DLGAP1: variants seen among roughly 807,000 people sequenced by gnomAD.
The protein encoded by DLGAP1 is DLG associated protein 1.
In DLGAP1, 11 loss-of-function variants were observed where a neutral mutation model predicts 90.8. The ratio of observed to expected loss-of-function variants is 0.12; its 90% CI spans 0.08 to 0.20. The LOEUF (loss-of-function observed/expected upper bound fraction) is 0.20. Among genes scored for constraint, DLGAP1 ranks in the 10% least tolerant of loss-of-function variants. The pLI, the probability that DLGAP1 is intolerant of heterozygous loss-of-function variation, is 1.00. For missense variants in DLGAP1, 1,050 were observed against 1,333.8 expected, an observed-to-expected ratio of 0.79 and a Z score of 3.31; for synonymous variants, 558 against 540.7, an observed-to-expected ratio of 1.03 and a Z score of -0.44.
At chr18:3,786,084 C>G (rs1338668908) in intron 5 of DLGAP1, among the ~76,000 whole-genome samples, 1 of 152,208 alleles carries the variant, frequency 6.6e-6, no homozygotes, top group Non-Finnish European at 1.5e-5. Context: ...CCAGACCCTC[C>G]TGCCTCCCTT....
chr18:4,388,159 G>A (rs1224937075), intron 1 of DLGAP1, among the ~76,000 whole-genome samples: 1 of 151,986 alleles, frequency 6.6e-6, no homozygotes, highest in Non-Finnish European at 1.5e-5. Flanking sequence ...AGAGACAAAT[G>A]AGGCTCTGAA....
Position 3,939,520 on chromosome 18 carries a change from C to T in DLGAP1, c.-72-59380G>A, listed in dbSNP as rs548137393. Among the ~76,000 whole-genome samples, 60 of 151,328 alleles carry T rather than the reference C, an allele frequency of 4.0e-4. 1 individual carries two copies. In the East Asian group the frequency reaches 9.7e-3, roughly 25 times the overall value. ...AACAAACAAACAAAAAAACAAGTGG[C>T]ATAGAATATACATTTTGGAAAAATA... On this transcript the variant is annotated intron_variant, in intron 3 of 12. Transcript: ENST00000315677.
intron 11 of DLGAP1, among the ~76,000 whole-genome samples, chr18:3,505,580 A>G (rs567777810): frequency 3.7e-4 from 54 of 147,218 alleles, no homozygotes; most frequent in Non-Finnish European, 7.0e-4. Context: ...AGAGATTGCA[A>G]TGAGCTGAGT....
intron 7 of DLGAP1, among the ~76,000 whole-genome samples, chr18:3,673,304 A>G (rs1437887686): frequency 6.6e-6 from 1 of 152,040 alleles, no homozygotes; most frequent in Non-Finnish European, 1.5e-5. Context: ...AACACTTTGC[A>G]TATCTCTATT....
At chr18:4,138,153 C>A (rs981343827) in intron 2 of DLGAP1, among the ~76,000 whole-genome samples, 1 of 151,946 alleles carries the variant, frequency 6.6e-6, no homozygotes, top group African/African-American at 2.4e-5. Context: ...TGTTGAATAA[C>A]GGTGGTGAAA....
At chr18:4,267,377 C>G (rs2079154178) in intron 1 of DLGAP1, among the ~76,000 whole-genome samples, 1 of 152,300 alleles carries the variant, frequency 6.6e-6, no homozygotes, top group South Asian at 2.1e-4. Flanking sequence ...TGCTCCTTCC[C>G]TTGCAGAAAC....
chr18:4,057,225 A>G (rs1278236236), intron 2 of DLGAP1, among the ~76,000 whole-genome samples: 1 of 152,120 alleles, frequency 6.6e-6, no homozygotes, highest in Non-Finnish European at 1.5e-5. Flanking sequence ...CAGTCTCCCA[A>G]TAGACAGAAA....
chr18:4,023,430 T>G (rs902163090), intron 2 of DLGAP1, among the ~76,000 whole-genome samples: 1 of 152,240 alleles, frequency 6.6e-6, no homozygotes, highest in African/African-American at 2.4e-5. Flanking sequence ...ACAGCCATAT[T>G]TGCCATGTAA....
At chr18:3,886,998 G>A (rs2071334125) in intron 3 of DLGAP1, among the ~76,000 whole-genome samples, 2 of 152,320 alleles carry the variant, frequency 1.3e-5, no homozygotes, top group East Asian at 1.9e-4. Flanking sequence ...CTGACCTACA[G>A]CGGAGTGCCA....
At chr18:4,450,771 CATG>C (rs1473900073) in intron 1 of DLGAP1, among the ~76,000 whole-genome samples, 2 of 152,156 alleles carry the variant, frequency 1.3e-5, no homozygotes, top group Non-Finnish European at 2.9e-5. Context: ...ATGAGCAAAC[CATG>C]ATAAGTGAAT....
At chr18:3,597,185 T>A (rs1345822622) in intron 7 of DLGAP1, 3 of 519,404 alleles carry the variant, frequency 5.8e-6, no homozygotes, top group Non-Finnish European at 1.2e-5. Flanking sequence ...GATGGATATC[T>A]GAGAGCCAGC....
intron 1 of DLGAP1, among the ~76,000 whole-genome samples, chr18:4,365,250 A>G (rs558962648): frequency 4.6e-5 from 7 of 152,196 alleles, no homozygotes; most frequent in Non-Finnish European, 1.0e-4. Context: ...TTAGAAAAGA[A>G]GAATCTGAAA....
At chr18:4,105,992 A>C (rs1473622763) in intron 2 of DLGAP1, among the ~76,000 whole-genome samples, 1 of 139,032 alleles carries the variant, frequency 7.2e-6, no homozygotes, top group Non-Finnish European at 1.5e-5. Context: ...AGATCGCGCC[A>C]CTGCACTCCA....
chr18:4,279,349 GCTAATATCTCTTGC>G (rs752558095), intron 1 of DLGAP1, among the ~76,000 whole-genome samples: 108 of 152,090 alleles, frequency 7.1e-4, no homozygotes, highest in African/African-American at 2.5e-3. Flanking sequence ...TTTTTATTTG[GCTAATATCTCTTGC>G]CTTGGGCATT....
chr18:4,232,554 TTGTAA>T (rs1175796264), intron 1 of DLGAP1, among the ~76,000 whole-genome samples: 1 of 152,168 alleles, frequency 6.6e-6, no homozygotes, highest in Non-Finnish European at 1.5e-5. Context: ...GACAATGTTG[TTGTAA>T]TGTAAAAGCC....
intron 1 of DLGAP1, among the ~76,000 whole-genome samples, chr18:4,197,557 G>A (rs1053267917): frequency 2.0e-5 from 3 of 152,116 alleles, no homozygotes; most frequent in African/African-American, 7.2e-5. Context: ...GATTTGACAA[G>A]GGGGACAAGA....
intron 7 of DLGAP1, among the ~76,000 whole-genome samples, chr18:3,602,709 C>G (rs2145783316): frequency 6.6e-6 from 1 of 151,986 alleles, no homozygotes; most frequent in Middle Eastern, 3.4e-3. Flanking sequence ...CAGCACAGCA[C>G]TGCCTCCTGG....
intron 7 of DLGAP1, among the ~76,000 whole-genome samples, chr18:3,600,707 GCTATAT>G (rs2056854718): frequency 9.8e-6 from 1 of 101,978 alleles, no homozygotes. Context: ...GATATCTATA[GCTATAT>G]AGATATAGAG....
intron 3 of DLGAP1, chr18:3,978,588 C>T (rs937106037): frequency 8.8e-6 from 2 of 226,204 alleles, no homozygotes; most frequent in Admixed American, 4.2e-5. Flanking sequence ...CGACCAAGTT[C>T]GTTTACTCTG....
Sources: allele counts gnomAD v4.1 joint callset (sites outside exome capture counted in the v4.1 genomes callset), GRCh38; gene constraint gnomAD v4.1.1; transcripts MANE v1.5; gene names NCBI Gene and HGNC (gene_info 2026-07-23, HGNC 2026-07-21).